Variants in JAZF1 observed in about 807,000 individuals in gnomAD.
JAZF1 encodes juxtaposed with another zinc finger protein 1.
A neutral mutation model predicts 26.4 loss-of-function variants in JAZF1; 8 were observed. The ratio of observed to expected loss-of-function variants is 0.30; its 90% CI spans 0.18 to 0.55. JAZF1 has a LOEUF of 0.55. Ranked by LOEUF, JAZF1 falls within the 20% of genes least tolerant of loss-of-function variation. The pLI, the probability that JAZF1 is intolerant of heterozygous loss-of-function variation, is 0.94. For missense variants in JAZF1, 199 were observed against 322.0 expected, an observed-to-expected ratio of 0.62 and a Z score of 2.92; for synonymous variants, 126 against 122.3, an observed-to-expected ratio of 1.03 and a Z score of -0.20.
chr7:27,993,011 A>G (rs1392858157), intron 1 of JAZF1, among the ~76,000 whole-genome samples: 1 of 152,184 alleles, frequency 6.6e-6, no homozygotes, highest in Non-Finnish European at 1.5e-5. Flanking sequence ...GGAAGCAGAT[A>G]CAGTGGCAGA....
chr7:28,100,537 AT>A (rs2127927023), intron 1 of JAZF1, among the ~76,000 whole-genome samples: 2 of 152,244 alleles, frequency 1.3e-5, no homozygotes, highest in East Asian at 3.9e-4. Flanking sequence ...CAACTTCTCA[AT>A]GCTAAGCGTG....
At chr7:28,177,815 T>C (rs1055074131) in intron 1 of JAZF1, among the ~76,000 whole-genome samples, 3 of 152,242 alleles carry the variant, frequency 2.0e-5, no homozygotes, top group East Asian at 3.8e-4. Flanking sequence ...AAATGCTTTA[T>C]ATTTTCACCC....
chr7:27,920,735 G>A (rs199843729), intron 2 of JAZF1, among the ~76,000 whole-genome samples: 3 of 152,060 alleles, frequency 2.0e-5, no homozygotes, highest in South Asian at 2.1e-4. Context: ...CACTTCCGCC[G>A]ACAACAGAGT....
intron 1 of JAZF1, among the ~76,000 whole-genome samples, chr7:28,016,746 T>G (rs1782900706): frequency 6.6e-6 from 1 of 152,200 alleles, no homozygotes; most frequent in African/African-American, 2.4e-5. Flanking sequence ...CTAAAGAGCC[T>G]GTTGAAGTCC....
intron 1 of JAZF1, chr7:28,020,503 G>A: frequency 2.1e-6 from 1 of 466,358 alleles, no homozygotes; most frequent in Middle Eastern, 3.3e-4. Flanking sequence ...ATGACCCCTA[G>A]GACTGATCCC....
At chr7:27,980,773 A>G (rs1390479221) in intron 2 of JAZF1, among the ~76,000 whole-genome samples, 2 of 148,506 alleles carry the variant, frequency 1.3e-5, no homozygotes, top group African/African-American at 5.2e-5. Context: ...TATTTAGCCT[A>G]CTGTTGTCAA....
chr7:27,930,151 A>G (rs1784665887), intron 2 of JAZF1, among the ~76,000 whole-genome samples: 1 of 151,892 alleles, frequency 6.6e-6, no homozygotes, highest in South Asian at 2.1e-4. Context: ...ACCTGCCACC[A>G]CGCTCGGCTA....
At chr7:28,120,288 A>T (rs73298668) in intron 1 of JAZF1, among the ~76,000 whole-genome samples, 1,927 of 151,896 alleles carry the variant, frequency 0.013, 30 homozygotes, top group African/African-American at 0.044. Flanking sequence ...GAACGCCATG[A>T]TCACTGAACA....
At chr7:27,992,526 T>C (rs1321372944) in intron 1 of JAZF1, among the ~76,000 whole-genome samples, 1 of 152,212 alleles carries the variant, frequency 6.6e-6, no homozygotes, top group Admixed American at 6.5e-5. Flanking sequence ...GAAATTCTCA[T>C]ACTGGTTCAG....
chr7:28,169,597 A>G (rs1783421355), intron 1 of JAZF1, among the ~76,000 whole-genome samples: 1 of 152,224 alleles, frequency 6.6e-6, no homozygotes, highest in Non-Finnish European at 1.5e-5. Context: ...AGGCCTAGAA[A>G]AAGTTAACTG....
chr7:28,175,716 G>C (rs969650401), intron 1 of JAZF1, among the ~76,000 whole-genome samples: 6 of 152,114 alleles, frequency 3.9e-5, no homozygotes, highest in African/African-American at 1.4e-4. Flanking sequence ...GGTGAGGAGG[G>C]GACTGTCACG....
At chr7:28,019,520 C>T (rs910885632) in intron 1 of JAZF1, among the ~76,000 whole-genome samples, 2 of 152,176 alleles carry the variant, frequency 1.3e-5, no homozygotes, top group African/African-American at 2.4e-5. Context: ...CACCCTGGAC[C>T]GTGGCCCTTC....
intron 2 of JAZF1, among the ~76,000 whole-genome samples, chr7:27,946,791 G>A (rs368974705): frequency 6.6e-6 from 1 of 152,322 alleles, no homozygotes; most frequent in African/African-American, 2.4e-5. Context: ...AGATTTTGAT[G>A]ACATAGAGTT....
chr7:28,178,328 T>C (rs1179990863), intron 1 of JAZF1, among the ~76,000 whole-genome samples: 1 of 152,206 alleles, frequency 6.6e-6, no homozygotes, highest in Non-Finnish European at 1.5e-5. Flanking sequence ...GATAACTGTC[T>C]TTAACACATT....
chr7:28,154,944 AAAAAG>A (rs1205807384), intron 1 of JAZF1, among the ~76,000 whole-genome samples: 1 of 152,192 alleles, frequency 6.6e-6, no homozygotes, highest in African/African-American at 2.4e-5. Context: ...AACATTAAAA[AAAAAG>A]AAAAGTAAAA....
At chr7:28,126,689 C>A (rs1422755797) in intron 1 of JAZF1, among the ~76,000 whole-genome samples, 2 of 152,202 alleles carry the variant, frequency 1.3e-5, no homozygotes, top group East Asian at 3.9e-4. Flanking sequence ...CCCCATTCCC[C>A]ACCTTACGGT....
At chr7:28,147,909 CA>C (rs1156293213) in intron 1 of JAZF1, among the ~76,000 whole-genome samples, 1 of 150,094 alleles carries the variant, frequency 6.7e-6, no homozygotes, top group African/African-American at 2.5e-5. Flanking sequence ...GACCCTGTCT[CA>C]AAAAAAAGGA....
chr7:27,922,293 G>C (rs1481316238), intron 2 of JAZF1, among the ~76,000 whole-genome samples: 1 of 152,192 alleles, frequency 6.6e-6, no homozygotes, highest in African/African-American at 2.4e-5. Context: ...CGCCCAGGCT[G>C]GAGTGCAGTG....
At chr7:27,913,293 T>G (rs1328180477) in intron 2 of JAZF1, 2 of 292,758 alleles carry the variant, frequency 6.8e-6, no homozygotes, top group South Asian at 6.4e-5. Context: ...ATATATATAT[T>G]TGTGTGTGTG....
Sources: gnomAD v4.1 joint callset for allele counts (sites outside exome capture counted in the v4.1 genomes callset) on GRCh38, gnomAD v4.1.1 for gene constraint, MANE v1.5 for transcripts, NCBI Gene and HGNC (gene_info 2026-07-23, HGNC 2026-07-21) for gene names.